Variants in TTC6 observed in about 807,000 individuals in gnomAD.
TTC6 encodes tetratricopeptide repeat protein 6.
Under a neutral mutation model 210.4 loss-of-function variants are expected in TTC6, and 172 were observed. The ratio of observed to expected loss-of-function variants is 0.82; its 90% confidence interval spans 0.72 to 0.93. The LOEUF is 0.93. TTC6 is among the 40% of genes least tolerant of loss of function. The probability of loss-of-function intolerance (pLI) is 0.00; values close to 1 mark genes in which losing one functional copy is unlikely to be tolerated. For missense variants in TTC6, 2,414 were observed against 2,318.1 expected, an observed-to-expected ratio of 1.04 and a Z score of -0.85; for synonymous variants, 804 against 819.6, an observed-to-expected ratio of 0.98 and a Z score of 0.32.
chr14:37,643,072 C>T (rs889997716), intron 1 of TTC6, among the ~76,000 whole-genome samples: 3 of 152,138 alleles, frequency 2.0e-5, no homozygotes, highest in Admixed American at 1.3e-4. Context: ...CTTTGGGAGG[C>T]CGAGGCAGGG....
intron 2 of TTC6, among the ~76,000 whole-genome samples, chr14:37,681,910 A>T (rs115707453): frequency 7.6e-4 from 115 of 152,250 alleles, no homozygotes; most frequent in African/African-American, 2.6e-3. Flanking sequence ...GCTCCCTGCT[A>T]AATATTCAAA....
chr14:37,666,818 T>C lies in TTC6; in HGVS notation c.940-13333T>C, dbSNP rs549089068. Among the ~76,000 whole-genome samples the C allele has an allele frequency of 1.7e-4, 26 of 150,404 alleles. 1 individual carries two copies. In the South Asian group the frequency reaches 5.3e-3, roughly 31 times the overall value. Reference sequence around the variant, plus strand: ...GGCTCTCAGGGTTCCAAAGTTACACTGTGGGCTGGGACCAGGGATGCATTT... The same window carrying C: ...GGCTCTCAGGGTTCCAAAGTTACACCGTGGGCTGGGACCAGGGATGCATTT... On this transcript the variant is annotated intron_variant, in intron 1 of 30. Coordinates refer to ENST00000553443, the Ensembl canonical transcript of TTC6.
intron 15 of TTC6, among the ~76,000 whole-genome samples, chr14:37,789,428 A>T (rs541327981): frequency 6.6e-6 from 1 of 151,816 alleles, no homozygotes; most frequent in African/African-American, 2.4e-5. Flanking sequence ...GAGCAGTTAG[A>T]TTTTCTTCAA....
intron 14 of TTC6, among the ~76,000 whole-genome samples, chr14:37,763,589 T>C (rs554398380): frequency 1.6e-3 from 244 of 152,314 alleles, no homozygotes; most frequent in African/African-American, 5.6e-3. Context: ...TTTGTTAGCA[T>C]GCAATTGTTC....
chr14:37,644,180 G>A (rs990405567), intron 1 of TTC6, among the ~76,000 whole-genome samples: 1 of 152,074 alleles, frequency 6.6e-6, no homozygotes, highest in African/African-American at 2.4e-5. Flanking sequence ...TAGCTAATGG[G>A]TCCAGATAAT....
Position 37,808,852 on chromosome 14 carries a change from A to C in TTC6, c.4569+6A>C. 2.2e-6 allele frequency: 3 copies of C among 1,385,892 alleles called. No homozygotes were observed. The highest frequency in any genetic ancestry group is 3.0e-6 in the Non-Finnish European group (3 of 999,170). The allele number at this position is 1,385,892 out of a possible 1,614,324, so 85.8% of individuals were successfully genotyped here. A position where few individuals can be genotyped will look rare whatever the true frequency, so the allele number is the denominator to read the frequency against. ...AGATAAGGGAACTTCAAATGGTAAG[A>C]TGACCATTTTAGTAAACAATGTGTT... On this transcript the variant is annotated splice_donor_region_variant and intron_variant, in intron 24 of 30. Transcript: ENST00000553443.
At chr14:37,661,867 T>C (rs1482987519) in intron 1 of TTC6, among the ~76,000 whole-genome samples, 1 of 152,190 alleles carries the variant, frequency 6.6e-6, no homozygotes, top group Non-Finnish European at 1.5e-5. Flanking sequence ...TAGTTCTCCT[T>C]GAAGAGGCCC....
At chr14:37,830,650 A>G (rs1056623053) in intron 29 of TTC6, among the ~76,000 whole-genome samples, 3 of 151,014 alleles carry the variant, frequency 2.0e-5, no homozygotes, top group African/African-American at 7.3e-5. Context: ...TCCTATTTCC[A>G]TGCCATTTTT....
At chr14:37,662,470 G>A (rs1430277784) in intron 1 of TTC6, among the ~76,000 whole-genome samples, 2 of 152,128 alleles carry the variant, frequency 1.3e-5, no homozygotes, top group Admixed American at 1.3e-4. Context: ...ATTTGCGTAT[G>A]TTGAACCAGC....
chr14:37,724,755 G>T (rs34548330), intron 6 of TTC6, 143 bp from the exon 9 acceptor site: 31,266 of 474,348 alleles, frequency 0.066, 1,319 homozygotes, highest in Non-Finnish European at 0.085. Context: ...CCTGATGGCT[G>T]TAAAAAAATT....
intron 14 of TTC6, among the ~76,000 whole-genome samples, chr14:37,770,732 A>C (rs2096015443): frequency 6.8e-6 from 1 of 148,016 alleles, no homozygotes; most frequent in Admixed American, 6.7e-5. Flanking sequence ...AATACAGCAC[A>C]CTGATGGGTC....
chr14:37,627,270 C>T (rs1053783587), intron 1 of TTC6, among the ~76,000 whole-genome samples: 3 of 151,946 alleles, frequency 2.0e-5, no homozygotes, highest in Non-Finnish European at 4.4e-5. Context: ...TTATAAATTA[C>T]CCAGTCTCTG....
chr14:37,668,026 T>C (rs2095751520), intron 1 of TTC6, among the ~76,000 whole-genome samples: 1 of 149,880 alleles, frequency 6.7e-6, no homozygotes, highest in Admixed American at 6.7e-5. Flanking sequence ...TCCCAGCTAC[T>C]TGGGAGGCTG....
intron 14 of TTC6, among the ~76,000 whole-genome samples, chr14:37,760,838 C>A (rs2095982157): frequency 6.6e-6 from 1 of 152,166 alleles, no homozygotes; most frequent in Admixed American, 6.5e-5. Flanking sequence ...CCTACTCAAG[C>A]CTCTGTAATG....
intron 18 of TTC6, among the ~76,000 whole-genome samples, chr14:37,795,704 A>G (rs769721632): frequency 1.3e-5 from 2 of 152,162 alleles, no homozygotes; most frequent in Non-Finnish European, 2.9e-5. Context: ...AAACATAAGC[A>G]TGTGTACTAA....
chr14:37,701,638 G>A, intron 5 of TTC6, 112 bp downstream of exon 7: 1 of 1,022,176 alleles, frequency 9.8e-7, no homozygotes, highest in East Asian at 2.8e-5. Flanking sequence ...ACACTAAAGA[G>A]GAGGGAGCAG....
intron 12 of TTC6, 111 bp from the exon 15 acceptor site, chr14:37,750,942 T>C: frequency 1.7e-6 from 1 of 586,158 alleles, no homozygotes; most frequent in Non-Finnish European, 2.7e-6. Context: ...GAAAGTGTAA[T>C]AGAGAAAAAT....
At chr14:37,754,582 G>C (rs974382228) in intron 14 of TTC6, among the ~76,000 whole-genome samples, 1 of 151,980 alleles carries the variant, frequency 6.6e-6, no homozygotes, top group African/African-American at 2.4e-5. Context: ...ACAGGCATCT[G>C]CCACCACACC....
intron 10 of TTC6, among the ~76,000 whole-genome samples, chr14:37,741,715 G>T (rs77278373): frequency 6.6e-6 from 1 of 152,086 alleles, no homozygotes; most frequent in Non-Finnish European, 1.5e-5. Context: ...AGCAGACTGC[G>T]TATGTTCTTA....
Sources: allele counts gnomAD v4.1 joint callset (sites outside exome capture counted in the v4.1 genomes callset), GRCh38; gene constraint gnomAD v4.1.1; transcripts MANE v1.5; gene names NCBI Gene and HGNC (gene_info 2026-07-23, HGNC 2026-07-21).